EPHA6: variants seen among roughly 807,000 people sequenced by gnomAD.
The protein encoded by EPHA6 is EPH receptor A6.
A neutral mutation model predicts 112.0 loss-of-function variants in EPHA6; 50 were observed. The ratio of observed to expected loss-of-function variants is 0.45; its 90% CI spans 0.36 to 0.56. The LOEUF is 0.56. Ranked by LOEUF, EPHA6 falls within the 20% of genes least tolerant of loss-of-function variation. The pLI, the probability that EPHA6 is intolerant of heterozygous loss-of-function variation, is 0.00. For missense variants in EPHA6, 1,280 were observed against 1,417.4 expected (o/e 0.90, Z 1.56); for synonymous variants, 529 against 490.7 (o/e 1.08, Z -1.03).
At chr3:96,951,919 C>CAGGA (rs1405359962) in intron 2 of EPHA6, among the ~76,000 whole-genome samples, 1 of 152,014 alleles carries the variant, frequency 6.6e-6, no homozygotes, top group African/African-American at 2.4e-5. Flanking sequence ...GCATGGTCTC[C>CAGGA]AGGAAGGAAG....
chr3:96,931,933 C>T (rs1265582922), intron 2 of EPHA6, among the ~76,000 whole-genome samples: 1 of 152,178 alleles, frequency 6.6e-6, no homozygotes, highest in Non-Finnish European at 1.5e-5. Flanking sequence ...GCCTGAGCAG[C>T]TGCTCTGCTG....
chr3:97,522,553 C>T (rs935354849), intron 10 of EPHA6, among the ~76,000 whole-genome samples: 8 of 152,036 alleles, frequency 5.3e-5, no homozygotes, highest in Non-Finnish European at 1.2e-4. Flanking sequence ...CAGGGTAATG[C>T]TGGCCTTGTA....
intron 10 of EPHA6, among the ~76,000 whole-genome samples, chr3:97,493,418 C>T (rs1293810010): frequency 2.0e-5 from 3 of 152,086 alleles, no homozygotes; most frequent in Non-Finnish European, 2.9e-5. Context: ...TCTTCTGGAT[C>T]GCAGAGATCC....
chr3:97,753,112 AT>A lies in EPHA6; in HGVS notation c.*4416del, dbSNP rs2035940291. 6.6e-6 allele frequency among the ~76,000 whole-genome samples: 1 copy of A among 152,080 alleles called. No homozygotes were observed. Among genetic ancestry groups the A allele is most frequent in the Non-Finnish European group, 1.5e-5 (1 of 67,984 alleles). Reference sequence around the variant, plus strand: ...GTTTTTATAAGCAACATTTTCAACAATTTTTCAATCTTTATAATGTTCCACA... The same window carrying A: ...GTTTTTATAAGCAACATTTTCAACAATTTTCAATCTTTATAATGTTCCACA... On this transcript the variant is annotated 3_prime_UTR_variant, in exon 18 of 18. Transcript: ENST00000389672.
At chr3:97,179,839 C>G (rs13318994) in intron 3 of EPHA6, among the ~76,000 whole-genome samples, 31,549 of 151,012 alleles carry the variant, frequency 0.21, 3,561 homozygotes, top group African/African-American at 0.26. Flanking sequence ...CTGGGTCAGA[C>G]TTGAAGCCAG....
chr3:96,965,307 A>G (rs1261741475), intron 2 of EPHA6, among the ~76,000 whole-genome samples: 3 of 152,108 alleles, frequency 2.0e-5, no homozygotes, highest in African/African-American at 4.8e-5. Flanking sequence ...AACACCGTAT[A>G]AGGCTTCTTA....
chr3:96,917,031 A>G (rs905506879), intron 2 of EPHA6, among the ~76,000 whole-genome samples: 2 of 152,142 alleles, frequency 1.3e-5, no homozygotes, highest in Non-Finnish European at 2.9e-5. Context: ...GCTTTCCTAC[A>G]GATCTCCATT....
At chr3:97,601,712 T>TG (rs1317386040) in intron 12 of EPHA6, among the ~76,000 whole-genome samples, 9 of 150,398 alleles carry the variant, frequency 6.0e-5, no homozygotes, top group Admixed American at 3.3e-4. Context: ...GCATTGGGGG[T>TG]GGGGGGAAGG....
At chr3:97,579,629 A>T (rs753939222) in intron 11 of EPHA6, among the ~76,000 whole-genome samples, 2 of 152,198 alleles carry the variant, frequency 1.3e-5, no homozygotes, top group Non-Finnish European at 2.9e-5. Context: ...AGCCTCAGAC[A>T]ATAAGACTGC....
At chr3:97,291,044 G>T (rs11928752) in intron 5 of EPHA6, among the ~76,000 whole-genome samples, 3,268 of 151,948 alleles carry the variant, frequency 0.022, 86 homozygotes, top group African/African-American at 0.067. Context: ...TTTCCTCTTA[G>T]CTGTGCTTTG....
intron 10 of EPHA6, among the ~76,000 whole-genome samples, chr3:97,529,503 T>C (rs2092671514): frequency 1.3e-5 from 2 of 152,106 alleles, no homozygotes; most frequent in African/African-American, 4.8e-5. Flanking sequence ...CCAGTATATA[T>C]AAATGTTCAC....
intron 3 of EPHA6, among the ~76,000 whole-genome samples, chr3:97,214,036 TGTGAGA>T (rs1559802721): frequency 1.5e-5 from 2 of 130,910 alleles, no homozygotes; most frequent in African/African-American, 3.5e-5. Flanking sequence ...TGTGTGTGTG[TGTGAGA>T]GAGAGAGAGA....
chr3:97,630,745 G>A (rs866695377), intron 13 of EPHA6, among the ~76,000 whole-genome samples: 9 of 152,028 alleles, frequency 5.9e-5, no homozygotes, highest in African/African-American at 1.9e-4. Flanking sequence ...TCAAAATGGG[G>A]AAAGTGTGTT....
At chr3:96,925,732 A>C (rs1007033745) in intron 2 of EPHA6, among the ~76,000 whole-genome samples, 1 of 151,082 alleles carries the variant, frequency 6.6e-6, no homozygotes, top group Non-Finnish European at 1.5e-5. Flanking sequence ...CAGTCTTCTG[A>C]GTAGCTGGGA....
At chr3:97,480,239 T>TTA (rs1419751635) in intron 9 of EPHA6, among the ~76,000 whole-genome samples, 4 of 151,984 alleles carry the variant, frequency 2.6e-5, no homozygotes, top group East Asian at 1.9e-4. Context: ...TTATTTATTT[T>TTA]TTTTAGTATT....
chr3:97,196,494 T>C (rs910582687), intron 3 of EPHA6, among the ~76,000 whole-genome samples: 6 of 152,068 alleles, frequency 3.9e-5, no homozygotes, highest in Admixed American at 6.6e-5. Context: ...GTGCCTTATT[T>C]AGTTCATTTT....
chr3:97,731,953 A>C (rs1017553786), intron 15 of EPHA6, among the ~76,000 whole-genome samples: 2 of 151,932 alleles, frequency 1.3e-5, no homozygotes, highest in Non-Finnish European at 2.9e-5. Context: ...CACTTCTTGA[A>C]CACCACAGCC....
chr3:97,477,159 A>C (rs2091396374), intron 8 of EPHA6, among the ~76,000 whole-genome samples: 1 of 152,142 alleles, frequency 6.6e-6, no homozygotes, highest in African/African-American at 2.4e-5. Flanking sequence ...CATCTTTTAT[A>C]GAGGACAGAA....
intron 14 of EPHA6, among the ~76,000 whole-genome samples, chr3:97,667,703 T>G (rs2030298376): frequency 6.6e-6 from 1 of 152,306 alleles, no homozygotes; most frequent in East Asian, 1.9e-4. Context: ...GGCAAACTCT[T>G]AAATAACCTG....
Sources: allele counts gnomAD v4.1 joint callset (sites outside exome capture counted in the v4.1 genomes callset), GRCh38; gene constraint gnomAD v4.1.1; transcripts MANE v1.5; gene names NCBI Gene and HGNC (gene_info 2026-07-23, HGNC 2026-07-21).